Variants in NUCKS1 observed in about 807,000 individuals in gnomAD.
NUCKS1 encodes the protein nuclear casein kinase and cyclin dependent kinase substrate 1, also known as nuclear ubiquitous casein and cyclin-dependent kinase substrate 1.
NUCKS1 carries 2 observed loss-of-function variants against 33.0 expected under a neutral mutation model. The observed-to-expected ratio is 0.06, with a 90% CI of 0.02 to 0.19. NUCKS1 has a LOEUF of 0.19. NUCKS1 is among the 10% of genes least tolerant of loss of function. NUCKS1 has a pLI of 1.00. For missense variants in NUCKS1, 201 were observed against 293.6 expected, an observed-to-expected ratio of 0.68 and a Z score of 2.31; for synonymous variants, 106 against 102.8, an observed-to-expected ratio of 1.03 and a Z score of -0.19.
Position 205,750,018 on chromosome 1 carries a change from A to ACCCCCCCCCCCCCCCCCCCCCCCCC in NUCKS1, c.-46_-45insGGGGGGGGGGGGGGGGGGGGGGGGG. On this transcript the variant is annotated 5_prime_UTR_variant, in exon 1 of 7. Coordinates refer to ENST00000367142, the MANE Select transcript of NUCKS1 (RefSeq NM_022731.5). ...CCGAGTCGAGAAGCCAAAGACCAGG[A>ACCCCCCCCCCCCCCCCCCCCCCCCC]CCCCCCCCACCCCGCGCGCTCGGCG... 2 of 964,082 alleles carry ACCCCCCCCCCCCCCCCCCCCCCCCC rather than the reference A, an allele frequency of 2.1e-6. No homozygotes were observed. Among genetic ancestry groups the ACCCCCCCCCCCCCCCCCCCCCCCCC allele is most frequent in the Non-Finnish European group, 2.9e-6 (2 of 684,576 alleles). The allele number at this position is 964,082 out of a possible 1,614,324, so 59.7% of individuals were successfully genotyped here. A position where few individuals can be genotyped will look rare whatever the true frequency, so the allele number is the denominator to read the frequency against.
chr1:205,721,187 G>C (rs530098875), intron 4 of NUCKS1, among the ~76,000 whole-genome samples: 7 of 152,134 alleles, frequency 4.6e-5, no homozygotes, highest in African/African-American at 1.7e-4. Context: ...TTAATACCTA[G>C]GTGATGGGTT....
intron 1 of NUCKS1, among the ~76,000 whole-genome samples, chr1:205,734,877 A>C (rs983210870): frequency 2.0e-5 from 3 of 152,206 alleles, no homozygotes; most frequent in African/African-American, 7.2e-5. Flanking sequence ...CCTGGGTGAT[A>C]GAGCAAGACT....
At position 205,718,489 on chromosome 1, in the gene NUCKS1, G is replaced by T; in HGVS notation, c.533-10C>A. 1.9e-6 allele frequency: 3 copies of T among 1,602,612 alleles called. No homozygotes were observed. Among genetic ancestry groups the T allele is most frequent in the Non-Finnish European group, 2.6e-6 (3 of 1,176,310 alleles). ...ACTGGACTTGGCGTCACTGAAAATA[G>T]AAAAATAATTTGGGGAAGGGAAGAG... On this transcript the variant is annotated splice_polypyrimidine_tract_variant and intron_variant, in intron 6 of 6. Transcript: ENST00000367142.
chr1:205,722,470 T>G (rs193094260), intron 4 of NUCKS1, among the ~76,000 whole-genome samples: 1 of 152,314 alleles, frequency 6.6e-6, no homozygotes, highest in Non-Finnish European at 1.5e-5. Flanking sequence ...TTGGCCAGGC[T>G]GGTCTCGAAC....
In NUCKS1 at chr1:205,744,702, G is replaced by C. The variant is rs534650910; in HGVS notation, c.17+5255C>G. On this transcript the variant is annotated intron_variant, in intron 1 of 6. Transcript: ENST00000367142. ...GGCTCCAGTGCAATGGCGTGGTCTCGGCTCACTGCAACCTCCGCCTCCTGG... is the reference window on the plus strand; with the variant it reads ...GGCTCCAGTGCAATGGCGTGGTCTCCGCTCACTGCAACCTCCGCCTCCTGG... 2.0e-4 allele frequency among the ~76,000 whole-genome samples: 30 copies of C among 146,728 alleles called. No individual in the cohort carries two copies. In the South Asian group the frequency reaches 6.6e-3, roughly 32 times the overall value.
At chr1:205,733,741 T>C (rs1653970325) in intron 1 of NUCKS1, among the ~76,000 whole-genome samples, 1 of 152,172 alleles carries the variant, frequency 6.6e-6, no homozygotes, top group African/African-American at 2.4e-5. Flanking sequence ...AATACTGTTT[T>C]TCATGGCATT....
At chr1:205,743,542 C>T (rs1241073803) in intron 1 of NUCKS1, among the ~76,000 whole-genome samples, 1 of 152,166 alleles carries the variant, frequency 6.6e-6, no homozygotes, top group Non-Finnish European at 1.5e-5. Context: ...TTACAATAGG[C>T]GTTAAACCTT....
chr1:205,740,847 T>C (rs572610472), intron 1 of NUCKS1, among the ~76,000 whole-genome samples: 110 of 150,724 alleles, frequency 7.3e-4, no homozygotes, highest in South Asian at 1.7e-3. Context: ...ATACTTAGTA[T>C]GTATATATAT....
chr1:205,731,658 G>A (rs544325077), intron 1 of NUCKS1, among the ~76,000 whole-genome samples: 5 of 152,160 alleles, frequency 3.3e-5, no homozygotes, highest in East Asian at 3.9e-4. Context: ...TTGGGAGGCC[G>A]AGGCGGGCAG....
chr1:205,749,862 G>T, intron 1 of NUCKS1, 95 bp downstream of exon 1: 1 of 1,347,752 alleles, frequency 7.4e-7, no homozygotes, highest in Non-Finnish European at 1.0e-6. Flanking sequence ...GCGCGGCACC[G>T]GGGATGGCGG....
At chr1:205,746,083 G>T (rs1482219814) in intron 1 of NUCKS1, among the ~76,000 whole-genome samples, 1 of 152,120 alleles carries the variant, frequency 6.6e-6, no homozygotes, top group African/African-American at 2.4e-5. Context: ...ATCGCCTGAG[G>T]TCAAGAGTTC....
At chr1:205,732,557 C>T (rs1447312655) in intron 1 of NUCKS1, among the ~76,000 whole-genome samples, 2 of 151,992 alleles carry the variant, frequency 1.3e-5, no homozygotes, top group East Asian at 1.9e-4. Flanking sequence ...CCAAGGTGGG[C>T]GGATCATGAG....
At position 205,719,658 on chromosome 1, in the gene NUCKS1, T is replaced by G; in HGVS notation, c.401A>C (p.Glu134Ala). 6.2e-7 allele frequency: 1 copy of G among 1,610,032 alleles called. No homozygotes were observed. Among genetic ancestry groups the G allele is most frequent in the Non-Finnish European group, 8.5e-7 (1 of 1,179,034 alleles). The change falls in exon 6 of 7, where the codon GAA becomes GCA. Residue 134 changes from glutamate to alanine, a missense_variant. Physicochemically the swap from Glu to Ala is moderately radical, Grantham distance 107. Transcript: ENST00000367142. ...PFQEKDSGSDEDFLMEDDDDS... is the reference protein window; with the variant it reads ...PFQEKDSGSDADFLMEDDDDS... ...GTCATCATCTTCCATTAGGAAATCTTCATCGCTGCCGGAATCTTCTGAGAA... is the reference window on the plus strand; with the variant it reads ...GTCATCATCTTCCATTAGGAAATCTGCATCGCTGCCGGAATCTTCTGAGAA...
At chr1:205,719,924 A>T (rs1053890704) in intron 5 of NUCKS1, among the ~76,000 whole-genome samples, 1 of 152,202 alleles carries the variant, frequency 6.6e-6, no homozygotes, top group Admixed American at 6.5e-5. Context: ...GAAAACAGGA[A>T]GGGTAAGAGT....
rs532848015 is a variant in NUCKS1, at chr1:205,713,637, A to G, written c.*4643T>C. 1.2e-4 allele frequency: 19 copies of G among 152,238 alleles called. No individual in the cohort carries two copies. The highest frequency in any genetic ancestry group is 2.6e-4 in the Non-Finnish European group (18 of 68,050). 9.4% of individuals were successfully genotyped at this position (152,238 alleles called of 1,614,324 possible). A position where few individuals can be genotyped will look rare whatever the true frequency, so the allele number is the denominator to read the frequency against. On this transcript the variant is annotated 3_prime_UTR_variant, in exon 7 of 7. Transcript: ENST00000367142. ...CATTTCATTTAAATTAAAGAAAAAA[A>G]CCTTTTAAATAAAGTGGTTACATTC...
intron 1 of NUCKS1, among the ~76,000 whole-genome samples, chr1:205,747,931 G>C (rs1654371280): frequency 6.7e-6 from 1 of 149,710 alleles, no homozygotes; most frequent in African/African-American, 2.5e-5. Context: ...TAATTACAAA[G>C]AATTTATGAC....
chr1:205,743,243 G>A (rs923221092), intron 1 of NUCKS1, among the ~76,000 whole-genome samples: 6 of 152,124 alleles, frequency 3.9e-5, no homozygotes, highest in East Asian at 1.9e-4. Flanking sequence ...CTTAACTAAC[G>A]GTGTTTTTTG....
At chr1:205,749,669 G>T (rs1373983901) in intron 1 of NUCKS1, among the ~76,000 whole-genome samples, 1 of 151,928 alleles carries the variant, frequency 6.6e-6, no homozygotes, top group South Asian at 2.1e-4. Flanking sequence ...GGCCGCTGGC[G>T]GCTCAGGGAC....
rs1194230654 is a variant in NUCKS1 at position 205,750,151 on chromosome 1, G to GC, written c.-179dup. ...GGTTCAGGGCTCCTGGAACAGACGAGCCCCCCGCTCCCCCGTCTCTTCAAA... is the reference window on the plus strand; with the variant it reads ...GGTTCAGGGCTCCTGGAACAGACGAGCCCCCCCGCTCCCCCGTCTCTTCAAA... On this transcript the variant is annotated 5_prime_UTR_variant, in exon 1 of 7. Transcript: ENST00000367142. 21 of 641,210 alleles carry GC rather than the reference G, an allele frequency of 3.3e-5. No homozygotes were observed. Among genetic ancestry groups the GC allele is most frequent in the Middle Eastern group, 4.3e-4 (1 of 2,308 alleles). The allele number at this position is 641,210 out of a possible 1,614,324, so 39.7% of individuals were successfully genotyped here.
Sources: gnomAD v4.1 joint callset for allele counts (sites outside exome capture counted in the v4.1 genomes callset) on GRCh38, gnomAD v4.1.1 for gene constraint, MANE v1.5 for transcripts, NCBI Gene and HGNC (gene_info 2026-07-23, HGNC 2026-07-21) for gene names.